SNAPC3: variants seen among roughly 807,000 people sequenced by gnomAD.
SNAPC3 encodes the protein snRNA-activating protein complex subunit 3.
A neutral mutation model predicts 47.7 loss-of-function variants in SNAPC3; 56 were observed. That is an observed-to-expected ratio of 1.18 (90% CI 0.95 to 1.47). The LOEUF is 1.47. Among genes scored for constraint, SNAPC3 ranks in the 40% most tolerant of loss-of-function variants. The probability of loss-of-function intolerance (pLI) is 0.00; values close to 1 mark genes in which losing one functional copy is unlikely to be tolerated. For synonymous variants in SNAPC3, 235 were observed against 189.9 expected (o/e 1.24, Z -1.95); for missense variants, 665 against 511.3 (o/e 1.30, Z -2.90).
rs755540504 is a variant in SNAPC3, at chr9:15,423,935, A to G, written c.341A>G (p.Asp114Gly). 1.9e-6 allele frequency: 3 copies of G among 1,585,062 alleles called. No homozygotes were observed. The highest frequency in any genetic ancestry group is 2.3e-5 in the East Asian group (1 of 42,736). ...CGLDKLKCLEDGEDPEVIPEN... is the reference protein window; with the variant it reads ...CGLDKLKCLEGGEDPEVIPEN... ...CTTGATAAACTGAAATGCCTTGAGG[A>G]CGGTGAGGATCCAGAAGTCATTCCG... Residue 114 changes from aspartate (D) to glycine (G), a missense_variant, in exon 2 of 9, where the codon GAC becomes GGC. Transcript: ENST00000380821.
chr9:15,465,458 C>T, downstream of SNAPC3: 1 of 1,379,088 alleles, frequency 7.3e-7, no homozygotes, highest in Non-Finnish European at 1.0e-6. Flanking sequence ...TTTCAGCAGT[C>T]TATTTCAAAT....
chr9:15,458,081 T>C lies in SNAPC3; in HGVS notation c.1088+14T>C. The stretch of plus-strand genomic sequence containing the variant: ...GTATACAGCCAGGTGAGTGATAATG[T>C]ATTTTTTTTTTTCTCTGAGAAATGG... On this transcript the variant is annotated intron_variant, in intron 8 of 8. Coordinates refer to ENST00000380821, the MANE Select transcript of SNAPC3 (RefSeq NM_001039697.2). The C allele has an allele frequency of 8.0e-7, 1 of 1,253,274 alleles. No homozygotes were observed. Among genetic ancestry groups the C allele is most frequent in the Non-Finnish European group, 1.1e-6 (1 of 937,596 alleles). The allele number at this position is 1,253,274 out of a possible 1,614,324, so 77.6% of individuals were successfully genotyped here.
At position 15,459,857 on chromosome 9, in the gene SNAPC3, C is replaced by T. The variant is rs780440882; in HGVS notation, c.1227C>T (p.Thr409=). Residue 409 remains threonine (T), a synonymous_variant, in exon 9 of 9, where the codon ACC becomes ACT. Transcript: ENST00000380821. ...CTTATCCTTATGTTGATCCTGGAACCTTTAATTAAGAATAGCTACACTCAC... is the reference window on the plus strand; with the variant it reads ...CTTATCCTTATGTTGATCCTGGAACTTTTAATTAAGAATAGCTACACTCAC... The part of the protein sequence containing the change: ...FLAYPYVDPG[T]FN The T allele has an allele frequency of 1.6e-5, 26 of 1,612,216 alleles. No individual in the cohort carries two copies. In the South Asian group the frequency reaches 2.3e-4, roughly 14 times the overall value.
chr9:15,437,796 T>C (rs1403280389), intron 3 of SNAPC3, among the ~76,000 whole-genome samples: 1 of 152,212 alleles, frequency 6.6e-6, no homozygotes, highest in Admixed American at 6.5e-5. Context: ...TGAATGACAT[T>C]AGAAATCAAT....
intron 2 of SNAPC3, among the ~76,000 whole-genome samples, chr9:15,430,564 G>A (rs911951421): frequency 1.1e-4 from 17 of 152,106 alleles, no homozygotes; most frequent in Admixed American, 8.5e-4. Flanking sequence ...TTTTGTCCGA[G>A]CAATCCCATT....
chr9:15,445,070 GGA>G (rs2033818825), intron 4 of SNAPC3, among the ~76,000 whole-genome samples: 2 of 152,212 alleles, frequency 1.3e-5, no homozygotes, highest in African/African-American at 4.8e-5. Context: ...CTCCAGCCTA[GGA>G]GACAGCGTGA....
chr9:15,461,000 T>C lies in SNAPC3; in HGVS notation c.*1134T>C, dbSNP rs1232402446. The C allele has an allele frequency of 3.3e-5, 5 of 152,122 alleles. No individual in the cohort carries two copies. The highest frequency in any genetic ancestry group is 4.1e-4 in the South Asian group (2 of 4,830). The allele number at this position is 152,122 out of a possible 1,614,324, so 9.4% of individuals were successfully genotyped here. A position where few individuals can be genotyped will look rare whatever the true frequency, so the allele number is the denominator to read the frequency against. ...TTGATTGCTAGCTCTGGCTCACTTA[T>C]TCTCCGGTAATGATACTATTGGATA... On this transcript the variant is annotated 3_prime_UTR_variant, in exon 9 of 9. Transcript: ENST00000380821.
intron 7 of SNAPC3, among the ~76,000 whole-genome samples, chr9:15,457,586 C>T (rs2034891129): frequency 6.6e-6 from 1 of 152,012 alleles, no homozygotes; most frequent in Non-Finnish European, 1.5e-5. Flanking sequence ...CAGAGTAAGA[C>T]CCCATTTCAA....
At chr9:15,433,515 A>C in intron 2 of SNAPC3, 37 bp from the exon 3 acceptor site, 3 of 1,268,688 alleles carry the variant, frequency 2.4e-6, no homozygotes, top group Non-Finnish European at 3.4e-6. Context: ...ACAAATGTTG[A>C]ACTTTGATTT....
chr9:15,457,134 A>G (rs1434877031), intron 7 of SNAPC3, among the ~76,000 whole-genome samples: 1 of 152,180 alleles, frequency 6.6e-6, no homozygotes, highest in Non-Finnish European at 1.5e-5. Flanking sequence ...AAGGTTTCAT[A>G]ATTCTGATAC....
intron 2 of SNAPC3, among the ~76,000 whole-genome samples, chr9:15,429,199 T>C (rs1022068572): frequency 5.2e-4 from 79 of 152,184 alleles, no homozygotes; most frequent in African/African-American, 1.9e-3. Flanking sequence ...GCAGTGTTTT[T>C]TTTTAAAGCT....
At chr9:15,441,327 C>T (rs2033338221) in intron 3 of SNAPC3, among the ~76,000 whole-genome samples, 1 of 146,564 alleles carries the variant, frequency 6.8e-6, no homozygotes, top group South Asian at 2.1e-4. Flanking sequence ...GTATTGTTTT[C>T]CGTAATAGCT....
At chr9:15,441,860 C>T (rs543813850) in intron 3 of SNAPC3, among the ~76,000 whole-genome samples, 6,144 of 152,044 alleles carry the variant, frequency 0.04, 138 homozygotes, top group South Asian at 0.068. Context: ...CTTTTCTATT[C>T]GACAAAACCG....
At chr9:15,455,112 A>T (rs187473247) in intron 7 of SNAPC3, among the ~76,000 whole-genome samples, 80 of 152,284 alleles carry the variant, frequency 5.3e-4, no homozygotes, top group African/African-American at 1.9e-3. Flanking sequence ...CTGTGGTGAG[A>T]AGTTGAGGAG....
chr9:15,438,430 T>C (rs952380447), intron 3 of SNAPC3, among the ~76,000 whole-genome samples: 5 of 152,088 alleles, frequency 3.3e-5, no homozygotes, highest in African/African-American at 1.2e-4. Flanking sequence ...GCTTTTGTTT[T>C]TATTGATTTT....
rs2035096455 is a variant in SNAPC3, at chr9:15,460,143, CCTTT to C, written c.*278_*281del. On this transcript the variant is annotated 3_prime_UTR_variant, in exon 9 of 9. Transcript: ENST00000380821. ...TACTTTATATATTCTGACTTTAAAT[CCTTT>C]GTCAGACACACATATTCTTTCTCCC... 3.1e-5 allele frequency: 7 copies of C among 222,286 alleles called. No individual in the cohort carries two copies. The allele number at this position is 222,286 out of a possible 1,614,324, so 13.8% of individuals were successfully genotyped here. A position where few individuals can be genotyped will look rare whatever the true frequency, so the allele number is the denominator to read the frequency against.
At chr9:15,439,295 G>T (rs2033110733) in intron 3 of SNAPC3, among the ~76,000 whole-genome samples, 1 of 152,172 alleles carries the variant, frequency 6.6e-6, no homozygotes, top group Non-Finnish European at 1.5e-5. Context: ...TTAGAGTTCT[G>T]TTGGCTTTAT....
chr9:15,456,552 C>T (rs1276544909), intron 7 of SNAPC3, among the ~76,000 whole-genome samples: 1 of 152,060 alleles, frequency 6.6e-6, no homozygotes, highest in Non-Finnish European at 1.5e-5. Flanking sequence ...AATGCAGCCT[C>T]AACCTCCTGG....
intron 6 of SNAPC3, among the ~76,000 whole-genome samples, chr9:15,451,812 A>C (rs1366725841): frequency 6.6e-6 from 1 of 152,148 alleles, no homozygotes; most frequent in African/African-American, 2.4e-5. Flanking sequence ...CCTATCCAGC[A>C]TATACTATTG....
Sources: gnomAD v4.1 joint callset for allele counts (sites outside exome capture counted in the v4.1 genomes callset) on GRCh38, gnomAD v4.1.1 for gene constraint, MANE v1.5 for transcripts, NCBI Gene and HGNC (gene_info 2026-07-23, HGNC 2026-07-21) for gene names.